The following CNTNAP2 variants were observed in gnomAD, a reference collection of about 807,000 sequenced individuals.
CNTNAP2 encodes the protein contactin-associated protein-like 2.
Under a neutral mutation model 155.2 loss-of-function variants are expected in CNTNAP2, and 98 were observed. The observed-to-expected ratio is 0.63, with a 90% confidence interval of 0.54 to 0.75. The LOEUF (loss-of-function observed/expected upper bound fraction) is 0.75, where lower values mean the gene tolerates loss of function less well. Ranked by LOEUF, CNTNAP2 falls within the 30% of genes least tolerant of loss-of-function variation. The pLI, the probability that CNTNAP2 is intolerant of heterozygous loss-of-function variation, is 0.00. For missense variants in CNTNAP2, 1,727 were observed against 1,688.1 expected (o/e 1.02, Z -0.40); for synonymous variants, 651 against 631.2 (o/e 1.03, Z -0.47).
chr7:148,331,912 G>T (rs1417834181), intron 21 of CNTNAP2, among the ~76,000 whole-genome samples: 1 of 152,126 alleles, frequency 6.6e-6, no homozygotes, highest in Admixed American at 6.5e-5. Context: ...GGGCAGGAGG[G>T]AGAAAATGGA....
chr7:146,712,278 AT>A, intron 1 of CNTNAP2, among the ~76,000 whole-genome samples: 1 of 14,132 alleles, frequency 7.1e-5, no homozygotes, highest in Non-Finnish European at 4.1e-4. Flanking sequence ...TTATGTATAC[AT>A]ATATGTATAC....
intron 3 of CNTNAP2, among the ~76,000 whole-genome samples, chr7:146,990,155 G>A (rs1584769431): frequency 6.6e-6 from 1 of 152,252 alleles, no homozygotes; most frequent in East Asian, 1.9e-4. Context: ...TTGAACTTCT[G>A]TGGACTTGTT....
chr7:147,453,855 A>C (rs1333487297), intron 10 of CNTNAP2, among the ~76,000 whole-genome samples: 3 of 152,168 alleles, frequency 2.0e-5, no homozygotes, highest in Admixed American at 6.5e-5. Context: ...ATAAGGCCAA[A>C]TTGTGGCTGT....
Position 147,485,963 on chromosome 7 carries a change from G to A in CNTNAP2, c.1699G>A (p.Gly567Arg). 1 of 1,614,058 alleles carries A rather than the reference G, an allele frequency of 6.2e-7. No homozygotes were observed. Among genetic ancestry groups the A allele is most frequent in the Non-Finnish European group, 8.5e-7 (1 of 1,179,978 alleles). The stretch of plus-strand genomic sequence containing the variant: ...TGTGCCCAATCACTGTGAGCATGGT[G>A]GAAAGTGCTCGCAAACATGGGACAG... ...RCVPNHCEHG[G>R]KCSQTWDSFK... The change falls in exon 11 of 24, where the codon GGA (glycine) becomes AGA (arginine). Residue 567 changes from glycine to arginine, a missense_variant. By Grantham distance (125) the Gly-to-Arg change is moderately radical. Coordinates refer to ENST00000361727, the MANE Select transcript of CNTNAP2 (RefSeq NM_014141.6).
Position 146,694,086 on chromosome 7 carries a change from C to G in CNTNAP2, c.98-80185C>G, listed in dbSNP as rs75135337. ...TGAAGCTAAAAATAATATTTTTGTTCAGAGAAAAATCATACATTGTTTAAG... is the reference window on the plus strand; with the variant it reads ...TGAAGCTAAAAATAATATTTTTGTTGAGAGAAAAATCATACATTGTTTAAG... On this transcript the variant is annotated intron_variant, in intron 1 of 23. Transcript: ENST00000361727. 7.5e-3 allele frequency among the ~76,000 whole-genome samples: 1,135 copies of G among 151,888 alleles called. 11 individuals are homozygous for G. The highest frequency in any genetic ancestry group is 0.026 in the African/African-American group (1,094 of 41,406).
At chr7:147,714,721 A>G (rs1796456929) in intron 13 of CNTNAP2, among the ~76,000 whole-genome samples, 1 of 152,012 alleles carries the variant, frequency 6.6e-6, no homozygotes, top group Non-Finnish European at 1.5e-5. Context: ...ATGTGTATGT[A>G]TATGTAGTTT....
At chr7:147,032,025 A>T (rs2129250459) in intron 3 of CNTNAP2, among the ~76,000 whole-genome samples, 1 of 152,372 alleles carries the variant, frequency 6.6e-6, no homozygotes, top group East Asian at 1.9e-4. Context: ...TGATGAGACT[A>T]ATTTCTGGGA....
intron 21 of CNTNAP2, among the ~76,000 whole-genome samples, chr7:148,365,864 GTA>G (rs1372755176): frequency 5.4e-5 from 4 of 74,264 alleles, no homozygotes; most frequent in African/African-American, 1.9e-4. Flanking sequence ...ATGTATACAT[GTA>G]TGTGTATGCA....
chr7:147,905,973 A>C (rs1357531154), intron 14 of CNTNAP2, among the ~76,000 whole-genome samples: 1 of 152,132 alleles, frequency 6.6e-6, no homozygotes, highest in Non-Finnish European at 1.5e-5. Flanking sequence ...GAAGGAATCC[A>C]TAACGTCTTG....
At position 146,839,857 on chromosome 7, in the gene CNTNAP2, G is replaced by A. The variant is rs777035367; in HGVS notation, c.355G>A (p.Asp119Asn). Residue 119 changes from aspartate to asparagine, a missense_variant, in exon 3 of 24, where the codon GAC becomes AAC. Transcript: ENST00000361727. ...GACCCAATACCGGATGCTCTACAGC[G>A]ACACAGGGAGAAACTGGAAACCCTA... ...WVTQYRMLYS[D>N]TGRNWKPYHQ... 4.2e-5 allele frequency: 67 copies of A among 1,613,996 alleles called. No homozygotes were observed. Among genetic ancestry groups the A allele is most frequent in the Non-Finnish European group, 5.1e-5 (60 of 1,180,026 alleles).
chr7:147,102,203 T>C (rs558292131), intron 4 of CNTNAP2, among the ~76,000 whole-genome samples: 2 of 149,556 alleles, frequency 1.3e-5, no homozygotes, highest in Non-Finnish European at 2.9e-5. Context: ...AATGAACTCA[T>C]TGGCTATATG....
intron 1 of CNTNAP2, among the ~76,000 whole-genome samples, chr7:146,330,529 G>T (rs1801168269): frequency 6.6e-6 from 1 of 152,156 alleles, no homozygotes; most frequent in Non-Finnish European, 1.5e-5. Flanking sequence ...AGTAAAGTAT[G>T]ATACAAGGAC....
At chr7:146,708,780 G>T (rs902111778) in intron 1 of CNTNAP2, among the ~76,000 whole-genome samples, 2 of 151,274 alleles carry the variant, frequency 1.3e-5, no homozygotes, top group South Asian at 2.1e-4. Context: ...ATTTTTTGTG[G>T]TTTTGCCTTG....
At chr7:147,610,279 G>A (rs948157662) in intron 12 of CNTNAP2, among the ~76,000 whole-genome samples, 1 of 148,336 alleles carries the variant, frequency 6.7e-6, no homozygotes, top group Non-Finnish European at 1.5e-5. Context: ...AAGTTTAAGG[G>A]TGTTGTAGTT....
intron 1 of CNTNAP2, among the ~76,000 whole-genome samples, chr7:146,546,393 T>A (rs17170141): frequency 0.19 from 28,551 of 151,778 alleles, 3,331 homozygotes; most frequent in East Asian, 0.47. Context: ...CACTACCAAA[T>A]AAATAATTTA....
intron 15 of CNTNAP2, among the ~76,000 whole-genome samples, chr7:148,023,054 T>C (rs1229544924): frequency 6.6e-6 from 1 of 152,146 alleles, no homozygotes; most frequent in Non-Finnish European, 1.5e-5. Flanking sequence ...ATCATCATTA[T>C]CACACAGCAC....
chr7:146,190,110 C>T (rs778563281), intron 1 of CNTNAP2, among the ~76,000 whole-genome samples: 4 of 152,162 alleles, frequency 2.6e-5, no homozygotes, highest in South Asian at 2.1e-4. Flanking sequence ...GAAGCGATTT[C>T]CTTACTGACC....
chr7:146,125,445 G>T (rs1313136991), intron 1 of CNTNAP2, among the ~76,000 whole-genome samples: 3 of 151,472 alleles, frequency 2.0e-5, no homozygotes, highest in Admixed American at 2.0e-4. Context: ...GCGTTGTGGC[G>T]GGCGCCTGTA....
intron 1 of CNTNAP2, among the ~76,000 whole-genome samples, chr7:146,688,915 A>G (rs1800649546): frequency 6.6e-6 from 1 of 152,184 alleles, no homozygotes; most frequent in African/African-American, 2.4e-5. Flanking sequence ...AATGTCTGGT[A>G]AAAATTATAG....
Sources: allele counts gnomAD v4.1 joint callset (sites outside exome capture counted in the v4.1 genomes callset), GRCh38; gene constraint gnomAD v4.1.1; transcripts MANE v1.5; gene names NCBI Gene and HGNC (gene_info 2026-07-23, HGNC 2026-07-21).